FAM135B: variants seen among roughly 807,000 people sequenced by gnomAD.
FAM135B encodes the protein family with sequence similarity 135 member B, also known as protein FAM135B.
A neutral mutation model predicts 127.7 loss-of-function variants in FAM135B; 43 were observed. The ratio of observed to expected loss-of-function variants is 0.34; its 90% CI spans 0.26 to 0.43. The LOEUF is 0.43. Among genes scored for constraint, FAM135B ranks in the 20% least tolerant of loss-of-function variants. FAM135B has a pLI of 1.00. For synonymous variants in FAM135B, 670 were observed against 665.1 expected (o/e 1.01, Z -0.11); for missense variants, 1,558 against 1,725.6 (o/e 0.90, Z 1.72).
intron 1 of FAM135B, among the ~76,000 whole-genome samples, chr8:138,429,391 T>C (rs781610678): frequency 3.9e-5 from 6 of 152,192 alleles, no homozygotes; most frequent in Non-Finnish European, 8.8e-5. Flanking sequence ...GCTGCTATCC[T>C]TGTGGCTACC....
At chr8:138,434,224 C>T (rs185626914) in intron 1 of FAM135B, among the ~76,000 whole-genome samples, 42 of 152,186 alleles carry the variant, frequency 2.8e-4, no homozygotes, top group Admixed American at 2.6e-3. Context: ...ATTTTTCTTA[C>T]CCAAGAAAAA....
intron 9 of FAM135B, among the ~76,000 whole-genome samples, chr8:138,187,377 C>T (rs1032037483): frequency 1.3e-5 from 2 of 152,168 alleles, no homozygotes; most frequent in African/African-American, 4.8e-5. Flanking sequence ...ATGGAGAGTT[C>T]CACACCTTTA....
rs537059837 is a variant in FAM135B at position 138,152,302 on chromosome 8, G to A, written c.2173C>T (p.Arg725Trp). The change falls in exon 13 of 20, where the codon CGG becomes TGG. Residue 725 changes from arginine to tryptophan, a missense_variant. Physicochemically the swap from Arg to Trp is moderately radical, Grantham distance 101. This residue lies in a region of FAM135B where 923 missense variants were observed against 865.3 expected (regional missense o/e 1.07). Transcript: ENST00000395297. ...HPFVRRHALH[R>W]NSLEGGHTES... ...GTGTGTCCACCCTCTAGGGAGTTCC[G>A]GTGGAGGGCATGTCTTCGAACAAAC... is the stretch of plus-strand genomic sequence containing the variant. 52 of 1,614,086 alleles carry A rather than the reference G, an allele frequency of 3.2e-5. No homozygotes were observed. The highest frequency in any genetic ancestry group is 4.2e-5 in the Non-Finnish European group (50 of 1,180,038).
intron 2 of FAM135B, among the ~76,000 whole-genome samples, chr8:138,355,341 T>C (rs1189566006): frequency 6.6e-6 from 1 of 152,128 alleles, no homozygotes; most frequent in African/African-American, 2.4e-5. Flanking sequence ...AATGATAGAC[T>C]GGATTAAGAA....
chr8:138,206,456 C>A (rs1164762564), intron 7 of FAM135B, among the ~76,000 whole-genome samples: 1 of 151,028 alleles, frequency 6.6e-6, no homozygotes, highest in South Asian at 2.1e-4. Context: ...CATCTACACA[C>A]AACTCCAGCA....
chr8:138,202,555 C>T (rs1270029960), intron 7 of FAM135B, among the ~76,000 whole-genome samples: 1 of 152,126 alleles, frequency 6.6e-6, no homozygotes, highest in Non-Finnish European at 1.5e-5. Flanking sequence ...AATTAGTCTT[C>T]GTTTTTGCTT....
chr8:138,288,838 G>A (rs1176094199), intron 3 of FAM135B, among the ~76,000 whole-genome samples: 2 of 152,154 alleles, frequency 1.3e-5, no homozygotes, highest in East Asian at 3.8e-4. Flanking sequence ...CCTAAAAAAT[G>A]TTCTAGAGCA....
At chr8:138,159,115 A>G (rs1168828585) in intron 12 of FAM135B, among the ~76,000 whole-genome samples, 13 of 145,428 alleles carry the variant, frequency 8.9e-5, no homozygotes, top group African/African-American at 1.5e-4. Context: ...TACTAAAAAT[A>G]CAAAAAATTA....
At position 138,248,197 on chromosome 8, in the gene FAM135B, G is replaced by A. The variant is rs1035041228; in HGVS notation, c.542+2644C>T. ...ATGCTCAAGCTAACAGAGTTAACAAGCAGGGGGCTCAGATTTGCAACATGG... is the reference window on the plus strand; with the variant it reads ...ATGCTCAAGCTAACAGAGTTAACAAACAGGGGGCTCAGATTTGCAACATGG... On this transcript the variant is annotated intron_variant, in intron 6 of 19. Transcript: ENST00000395297. Among the ~76,000 whole-genome samples the A allele has an allele frequency of 3.3e-5, 5 of 152,304 alleles. No homozygotes were observed. In the East Asian group the frequency reaches 7.7e-4, roughly 24 times the overall value.
In FAM135B at chr8:138,460,876, C is replaced by A. The variant is rs1322895991; in HGVS notation, c.-20+35795G>T. ...AAGGACGGCAAAGAATAACTCCACC[C>A]TGAACCTCAGCTCTTTATAGACCCT... On this transcript the variant is annotated intron_variant, in intron 1 of 19. Transcript: ENST00000395297. Among the ~76,000 whole-genome samples the A allele has an allele frequency of 3.3e-5, 5 of 152,214 alleles. No individual in the cohort carries two copies. The East Asian group carries it at 9.7e-4, about 29-fold the overall frequency.
At chr8:138,222,524 T>C (rs967171489) in intron 7 of FAM135B, among the ~76,000 whole-genome samples, 8 of 152,046 alleles carry the variant, frequency 5.3e-5, no homozygotes, top group Admixed American at 4.6e-4. Context: ...TTACTGAATA[T>C]ATTAAAGAAG....
chr8:138,176,703 A>T (rs1814506565), intron 11 of FAM135B, among the ~76,000 whole-genome samples: 1 of 152,204 alleles, frequency 6.6e-6, no homozygotes, highest in Admixed American at 6.5e-5. Flanking sequence ...CATCTCAAGC[A>T]TCTTTCCATC....
chr8:138,451,980 C>G (rs1482305704), intron 1 of FAM135B, among the ~76,000 whole-genome samples: 1 of 152,066 alleles, frequency 6.6e-6, no homozygotes, highest in Non-Finnish European at 1.5e-5. Flanking sequence ...TCACCTTGCT[C>G]ATAATTTTTA....
intron 3 of FAM135B, among the ~76,000 whole-genome samples, chr8:138,273,394 C>T (rs563825110): frequency 5.9e-5 from 9 of 152,232 alleles, no homozygotes; most frequent in Middle Eastern, 3.4e-3. Context: ...TTAGTAGAGA[C>T]GGTGTTTCAC....
intron 1 of FAM135B, among the ~76,000 whole-genome samples, chr8:138,463,851 A>G (rs1332412807): frequency 6.6e-6 from 1 of 152,134 alleles, no homozygotes; most frequent in African/African-American, 2.4e-5. Context: ...GATATAAAGA[A>G]AGGCCGACTA....
At chr8:138,150,380 A>G (rs377538422) in intron 13 of FAM135B, among the ~76,000 whole-genome samples, 1 of 152,220 alleles carries the variant, frequency 6.6e-6, no homozygotes, top group African/African-American at 2.4e-5. Flanking sequence ...TAAAAATTGA[A>G]CAAAATTGGC....
intron 1 of FAM135B, among the ~76,000 whole-genome samples, chr8:138,465,427 T>C (rs1009306899): frequency 1.3e-5 from 2 of 152,168 alleles, no homozygotes; most frequent in African/African-American, 2.4e-5. Flanking sequence ...TAAGGGGTGG[T>C]ACCACAAGAG....
chr8:138,190,173 T>C (rs1815980032), intron 9 of FAM135B, among the ~76,000 whole-genome samples: 1 of 152,204 alleles, frequency 6.6e-6, no homozygotes, highest in Non-Finnish European at 1.5e-5. Flanking sequence ...GCACCTGCAA[T>C]GCCAGCCCCA....
intron 1 of FAM135B, among the ~76,000 whole-genome samples, chr8:138,490,581 G>GA (rs1815155811): frequency 6.6e-6 from 1 of 152,088 alleles, no homozygotes; most frequent in African/African-American, 2.4e-5. Flanking sequence ...GCTGCACCAG[G>GA]AAGACACTCC....
Sources: allele counts gnomAD v4.1 joint callset (sites outside exome capture counted in the v4.1 genomes callset), GRCh38; gene constraint gnomAD v4.1.1; regional missense constraint gnomAD v4.1.1; transcripts MANE v1.5; gene names NCBI Gene and HGNC (gene_info 2026-07-23, HGNC 2026-07-21).